NLGN1: variants seen among roughly 807,000 people sequenced by gnomAD.
The protein encoded by NLGN1 is neuroligin-1.
A neutral mutation model predicts 65.5 loss-of-function variants in NLGN1; 12 were observed. That is an observed-to-expected ratio of 0.18 (90% CI 0.12 to 0.30). The LOEUF (loss-of-function observed/expected upper bound fraction) is 0.30. Among genes scored for constraint, NLGN1 ranks in the 10% least tolerant of loss-of-function variants. The pLI, the probability that NLGN1 is intolerant of heterozygous loss-of-function variation, is 1.00. For synonymous variants in NLGN1, 350 were observed against 359.5 expected (o/e 0.97, Z 0.30); for missense variants, 750 against 1,007.1 (o/e 0.74, Z 3.46).
intron 4 of NLGN1, among the ~76,000 whole-genome samples, chr3:174,227,608 C>T (rs1296939932): frequency 6.6e-6 from 1 of 151,894 alleles, no homozygotes; most frequent in African/African-American, 2.4e-5. Flanking sequence ...CACAAAAAGG[C>T]CCTCATAATT....
intron 4 of NLGN1, among the ~76,000 whole-genome samples, chr3:173,885,017 A>T (rs759919570): frequency 3.3e-5 from 5 of 152,166 alleles, no homozygotes; most frequent in Non-Finnish European, 7.3e-5. Context: ...CTTATGACTT[A>T]ATCACCTGCT....
chr3:173,495,098 A>G (rs1029397881), intron 2 of NLGN1, among the ~76,000 whole-genome samples: 10 of 151,944 alleles, frequency 6.6e-5, no homozygotes, highest in Admixed American at 1.3e-4. Context: ...GAGGATCATT[A>G]CTATATTAAC....
At chr3:174,159,452 A>T in intron 4 of NLGN1, among the ~76,000 whole-genome samples, 1 of 151,804 alleles carries the variant, frequency 6.6e-6, no homozygotes, top group Non-Finnish European at 1.5e-5. Flanking sequence ...AAACCCAACA[A>T]CTAAATTTTA....
At chr3:174,236,246 C>T (rs1483736300) in intron 4 of NLGN1, among the ~76,000 whole-genome samples, 1 of 152,044 alleles carries the variant, frequency 6.6e-6, no homozygotes, top group East Asian at 1.9e-4. Flanking sequence ...GTATGTTACT[C>T]GAACCTATTA....
intron 2 of NLGN1, among the ~76,000 whole-genome samples, chr3:173,590,645 T>C (rs1023964578): frequency 3.9e-5 from 6 of 152,200 alleles, no homozygotes; most frequent in Non-Finnish European, 8.8e-5. Context: ...TGGATGTTAG[T>C]AACTAAACAT....
At chr3:173,578,025 A>G (rs576441767) in intron 2 of NLGN1, among the ~76,000 whole-genome samples, 10 of 152,246 alleles carry the variant, frequency 6.6e-5, no homozygotes, top group African/African-American at 1.7e-4. Flanking sequence ...TCACGAGGTC[A>G]GGAGATCAAT....
chr3:173,893,359 C>T lies in NLGN1; in HGVS notation c.646+85527C>T, dbSNP rs561943562. Among the ~76,000 whole-genome samples, 14 of 152,154 alleles carry T rather than the reference C, an allele frequency of 9.2e-5. No homozygotes were observed. The South Asian group carries it at 2.7e-3, about 29-fold the overall frequency. On this transcript the variant is annotated intron_variant, in intron 4 of 6. Coordinates refer to ENST00000457714, the Ensembl canonical transcript of NLGN1. Reference sequence around the variant, plus strand: ...AGCTCTGATACTAACAATGTGACTTCGAGAAAGTTACTTTACCTTTTGAAG... The same window carrying T: ...AGCTCTGATACTAACAATGTGACTTTGAGAAAGTTACTTTACCTTTTGAAG...
At chr3:173,778,215 T>C (rs529030321) in intron 3 of NLGN1, among the ~76,000 whole-genome samples, 14 of 152,022 alleles carry the variant, frequency 9.2e-5, no homozygotes, top group Admixed American at 7.9e-4. Context: ...TTGACAAATA[T>C]GAATGTCTTG....
intron 4 of NLGN1, among the ~76,000 whole-genome samples, chr3:174,197,982 A>G (rs1268476591): frequency 1.3e-5 from 2 of 152,064 alleles, no homozygotes; most frequent in African/African-American, 4.8e-5. Flanking sequence ...ACATACACAT[A>G]TATCTATATA....
intron 3 of NLGN1, among the ~76,000 whole-genome samples, chr3:173,697,235 G>C (rs1455618020): frequency 1.3e-5 from 2 of 152,192 alleles, no homozygotes; most frequent in Non-Finnish European, 2.9e-5. Flanking sequence ...TAATATGACA[G>C]CATGTCAGAA....
intron 4 of NLGN1, among the ~76,000 whole-genome samples, chr3:173,808,972 A>C (rs749635352): frequency 9.9e-5 from 15 of 152,172 alleles, no homozygotes; most frequent in African/African-American, 3.6e-4. Context: ...AAAAGGTAGA[A>C]TAATTTTTGT....
chr3:173,485,064 C>T (rs1255434246), intron 2 of NLGN1, among the ~76,000 whole-genome samples: 1 of 134,710 alleles, frequency 7.4e-6, no homozygotes, highest in Non-Finnish European at 1.5e-5. Flanking sequence ...GCCTCACAAT[C>T]ATTGTGGGAA....
intron 4 of NLGN1, among the ~76,000 whole-genome samples, chr3:173,940,571 C>A (rs912242539): frequency 5.3e-5 from 8 of 152,076 alleles, no homozygotes; most frequent in Admixed American, 2.6e-4. Context: ...CTGTCCTGAA[C>A]AAATTCAATT....
chr3:173,692,324 AGTTATCACTTT>A (rs1765592338), intron 3 of NLGN1, among the ~76,000 whole-genome samples: 2 of 152,120 alleles, frequency 1.3e-5, no homozygotes, highest in African/African-American at 4.8e-5. Context: ...CTTGTTTGGC[AGTTATCACTTT>A]TCTGTGTGAA....
At chr3:173,593,084 A>G (rs923668762) in intron 2 of NLGN1, among the ~76,000 whole-genome samples, 6 of 152,150 alleles carry the variant, frequency 3.9e-5, no homozygotes, top group Admixed American at 3.9e-4. Flanking sequence ...CAGGAAGATC[A>G]TCATTCCCAC....
Position 174,279,716 on chromosome 3 carries a change from G to C in NLGN1, c.1649+66G>C. 1 of 932,050 alleles carries C rather than the reference G, an allele frequency of 1.1e-6. No individual in the cohort carries two copies. Among genetic ancestry groups the C allele is most frequent in the Non-Finnish European group, 1.6e-6 (1 of 618,466 alleles). The allele number at this position is 932,050 out of a possible 1,614,324, so 57.7% of individuals were successfully genotyped here. On this transcript the variant is annotated intron_variant, in intron 6 of 6. Coordinates refer to ENST00000457714, the Ensembl canonical transcript of NLGN1. The surrounding 1 kb of genome is among the most constrained non-coding windows in gnomAD (Gnocchi z 4.7). ...TTATTTTAACCATTTTAAAATAATA[G>C]ATATTTATGCCCAGATAATGTCATA...
rs552069234 is a variant in NLGN1 at position 173,459,810 on chromosome 3, A to G, written c.-321+24732A>G. Among the ~76,000 whole-genome samples, 6 of 152,212 alleles carry G rather than the reference A, an allele frequency of 3.9e-5. No individual in the cohort carries two copies. The South Asian group carries it at 1.2e-3, about 32-fold the overall frequency. The stretch of plus-strand genomic sequence containing the variant: ...CAAGTCCTCAGTAATTTGCAGTTAA[A>G]TACTATAATAGCATATTTTTGTGTA... On this transcript the variant is annotated intron_variant, in intron 2 of 6. Coordinates refer to ENST00000457714, the Ensembl canonical transcript of NLGN1.
intron 4 of NLGN1, among the ~76,000 whole-genome samples, chr3:173,819,628 C>G (rs556295558): frequency 6.6e-6 from 1 of 152,186 alleles, no homozygotes; most frequent in Non-Finnish European, 1.5e-5. Context: ...ATTCATCCCT[C>G]TCTTCTCTCT....
intron 3 of NLGN1, among the ~76,000 whole-genome samples, chr3:173,689,127 C>G (rs1392512481): frequency 6.6e-6 from 1 of 152,192 alleles, no homozygotes; most frequent in African/African-American, 2.4e-5. Context: ...TGAGTCACCT[C>G]CAGCCTCTAA....
Sources: allele counts gnomAD v4.1 joint callset (sites outside exome capture counted in the v4.1 genomes callset), GRCh38; gene constraint gnomAD v4.1.1; non-coding constraint Gnocchi (gnomAD v3.1); transcripts MANE v1.5; gene names NCBI Gene and HGNC (gene_info 2026-07-23, HGNC 2026-07-21).